C13orf42: variants seen among roughly 807,000 people sequenced by gnomAD.
C13orf42 encodes the protein chromosome 13 open reading frame 42, also known as uncharacterized protein C13orf42.
rs376716913 is a variant in C13orf42 at position 51,096,614 on chromosome 13, T to TA, written c.415-8540dup. On this transcript the variant is annotated intron_variant, in intron 1 of 3. Coordinates refer to ENST00000563710, the MANE Select transcript of C13orf42 (RefSeq NM_001351589.3). The stretch of plus-strand genomic sequence containing the variant: ...CAAAATAGTAACTTCAACATTCCAA[T>TA]AGTAAGCCCACTGAATGCAGTTTAA... Among the ~76,000 whole-genome samples, 13 of 152,334 alleles carry TA rather than the reference T, an allele frequency of 8.5e-5. No individual in the cohort carries two copies. In the East Asian group the frequency reaches 2.1e-3, roughly 25 times the overall value.
At chr13:51,146,354 C>A (rs1953735504) in intron 1 of C13orf42, among the ~76,000 whole-genome samples, 1 of 152,244 alleles carries the variant, frequency 6.6e-6, no homozygotes, top group Non-Finnish European at 1.5e-5. Context: ...CCATGTGGAA[C>A]AAAACAAGCC....
intron 1 of C13orf42, among the ~76,000 whole-genome samples, chr13:51,109,331 G>A (rs1953399733): frequency 6.6e-6 from 1 of 152,210 alleles, no homozygotes; most frequent in East Asian, 1.9e-4. Context: ...CGGCCTACAG[G>A]ACACTCTGGG....
chr13:51,157,250 A>G (rs1263993254), intron 1 of C13orf42, among the ~76,000 whole-genome samples: 1 of 152,134 alleles, frequency 6.6e-6, no homozygotes, highest in African/African-American at 2.4e-5. Context: ...CCTGGTCAAC[A>G]TGGTGAAACC....
At chr13:51,088,399 A>G (rs781354233) in intron 1 of C13orf42, among the ~76,000 whole-genome samples, 4 of 152,184 alleles carry the variant, frequency 2.6e-5, no homozygotes, top group Admixed American at 2.0e-4. Context: ...TAAACACCCA[A>G]TTAGGAGATT....
chr13:51,170,235 T>C (rs371661093), intron 1 of C13orf42, among the ~76,000 whole-genome samples: 163 of 152,326 alleles, frequency 1.1e-3, no homozygotes, highest in African/African-American at 2.0e-3. Context: ...GGACTCAGCC[T>C]GCCTGCACCC....
At chr13:51,154,832 G>A (rs956234540) in intron 1 of C13orf42, among the ~76,000 whole-genome samples, 14 of 152,140 alleles carry the variant, frequency 9.2e-5, no homozygotes, top group African/African-American at 1.7e-4. Flanking sequence ...TTGCACATTC[G>A]ACGGTTTCTT....
At chr13:51,089,700 G>T (rs943917645) in intron 1 of C13orf42, among the ~76,000 whole-genome samples, 5 of 151,718 alleles carry the variant, frequency 3.3e-5, no homozygotes, top group Admixed American at 2.0e-4. Context: ...GTGTCTCCTG[G>T]TGCTTCTGCT....
chr13:51,117,336 A>G (rs2138010525), intron 1 of C13orf42, among the ~76,000 whole-genome samples: 1 of 152,376 alleles, frequency 6.6e-6, no homozygotes, highest in East Asian at 1.9e-4. Context: ...GTAGGAATAG[A>G]TCTCATTTTC....
chr13:51,102,924 C>G (rs1226267220), intron 1 of C13orf42, among the ~76,000 whole-genome samples: 1 of 152,148 alleles, frequency 6.6e-6, no homozygotes, highest in Non-Finnish European at 1.5e-5. Flanking sequence ...TTAAAACAAC[C>G]TGATCCCATG....
At chr13:51,169,734 G>A (rs1423170379) in intron 1 of C13orf42, among the ~76,000 whole-genome samples, 2 of 152,216 alleles carry the variant, frequency 1.3e-5, no homozygotes, top group African/African-American at 4.8e-5. Flanking sequence ...ATAAGCCTTG[G>A]CAGCTTCCAT....
chr13:51,135,730 TAGA>T, intron 1 of C13orf42, among the ~76,000 whole-genome samples: 1 of 152,170 alleles, frequency 6.6e-6, no homozygotes, highest in East Asian at 1.9e-4. Flanking sequence ...TTCTTCTTCC[TAGA>T]TTCCTCCCCC....
At chr13:51,092,733 A>G (rs2137981139) in intron 1 of C13orf42, among the ~76,000 whole-genome samples, 1 of 152,254 alleles carries the variant, frequency 6.6e-6, no homozygotes, top group Non-Finnish European at 1.5e-5. Flanking sequence ...AATATAACTT[A>G]ATTTTAATAA....
chr13:51,117,366 T>C (rs1475985485), intron 1 of C13orf42, among the ~76,000 whole-genome samples: 1 of 152,196 alleles, frequency 6.6e-6, no homozygotes, highest in East Asian at 1.9e-4. Flanking sequence ...AAAAGGAAAG[T>C]GAATAATTAG....
chr13:51,135,615 T>C (rs1224061951), intron 1 of C13orf42, among the ~76,000 whole-genome samples: 2 of 150,720 alleles, frequency 1.3e-5, no homozygotes, highest in African/African-American at 4.9e-5. Flanking sequence ...ATCACACTAC[T>C]GCACTCCAGC....
intron 1 of C13orf42, among the ~76,000 whole-genome samples, chr13:51,158,680 A>T (rs576941223): frequency 1.3e-5 from 2 of 152,324 alleles, no homozygotes; most frequent in East Asian, 3.9e-4. Flanking sequence ...GCAACTGAAC[A>T]CACAAGTCAA....
At chr13:51,167,090 A>C (rs1418359646) in intron 1 of C13orf42, among the ~76,000 whole-genome samples, 2 of 150,650 alleles carry the variant, frequency 1.3e-5, no homozygotes, top group Non-Finnish European at 1.5e-5. Context: ...AAAAAAAAAC[A>C]AAAAACCAAA....
chr13:51,161,642 C>G (rs945101562), intron 1 of C13orf42: 24 of 176,478 alleles, frequency 1.4e-4, no homozygotes, highest in Non-Finnish European at 2.4e-4. Context: ...CTTACCTTGC[C>G]TCATCCATTC....
intron 1 of C13orf42, among the ~76,000 whole-genome samples, chr13:51,090,937 A>G (rs1429092817): frequency 6.6e-6 from 1 of 152,234 alleles, no homozygotes; most frequent in Non-Finnish European, 1.5e-5. Context: ...TCTGTCATCC[A>G]AGCTAGTGGA....
intron 1 of C13orf42, among the ~76,000 whole-genome samples, chr13:51,121,058 G>T (rs544718441): frequency 3.3e-5 from 5 of 152,230 alleles, no homozygotes; most frequent in Middle Eastern, 6.8e-3. Context: ...GACCTCTTCT[G>T]CCCCCTGGTG....
Sources: gnomAD v4.1 joint callset for allele counts (sites outside exome capture counted in the v4.1 genomes callset) on GRCh38, gnomAD v4.1.1 for gene constraint, MANE v1.5 for transcripts, NCBI Gene and HGNC (gene_info 2026-07-23, HGNC 2026-07-21) for gene names.